The following CNTNAP2 variants were observed in gnomAD, a reference collection of about 807,000 sequenced individuals.
The protein encoded by CNTNAP2 is contactin associated protein 2.
CNTNAP2 carries 98 observed loss-of-function variants against 155.2 expected under a neutral mutation model. The ratio of observed to expected loss-of-function variants is 0.63; its 90% confidence interval spans 0.54 to 0.75. The LOEUF (loss-of-function observed/expected upper bound fraction) is 0.75. Among genes scored for constraint, CNTNAP2 ranks in the 30% least tolerant of loss-of-function variants. The pLI is 0.00. For synonymous variants in CNTNAP2, 651 were observed against 631.2 expected (o/e 1.03, Z -0.47); for missense variants, 1,727 against 1,688.1 (o/e 1.02, Z -0.40).
chr7:146,466,071 C>G (rs17170096), intron 1 of CNTNAP2, among the ~76,000 whole-genome samples: 30,715 of 151,982 alleles, frequency 0.2, 4,632 homozygotes, highest in African/African-American at 0.43. Flanking sequence ...CATAAAAGCT[C>G]GTTGGGTTCT....
rs10673467 is a variant in CNTNAP2 at position 146,550,401 on chromosome 7, G to GTTTTTTTTTTTTTTTTTTTTTT, written c.98-223863_98-223842dup. Among the ~76,000 whole-genome samples, 2 of 54,382 alleles carry GTTTTTTTTTTTTTTTTTTTTTT rather than the reference G, an allele frequency of 3.7e-5. 1 individual carries two copies. Among genetic ancestry groups the GTTTTTTTTTTTTTTTTTTTTTT allele is most frequent in the African/African-American group, 1.4e-4 (2 of 14,076 alleles). 35.7% of individuals were successfully genotyped at this position (54,382 alleles called of 152,430 possible). On this transcript the variant is annotated intron_variant, in intron 1 of 23. Transcript: ENST00000361727. ...TTATAGCAGTGAGGTCCATTAATCT[G>GTTTTTTTTTTTTTTTTTTTTTT]TTTTTTTTTTTTTTTTTTTTTTTTT...
intron 13 of CNTNAP2, among the ~76,000 whole-genome samples, chr7:147,661,939 C>T (rs1291062878): frequency 2.0e-5 from 3 of 152,144 alleles, no homozygotes; most frequent in African/African-American, 7.2e-5. Flanking sequence ...AGATTGCAGT[C>T]ATCAAAGCCA....
At chr7:146,237,403 G>A (rs1216620335) in intron 1 of CNTNAP2, among the ~76,000 whole-genome samples, 1 of 152,172 alleles carries the variant, frequency 6.6e-6, no homozygotes, top group East Asian at 1.9e-4. Flanking sequence ...CATTGAATGG[G>A]TAGCTTGAAA....
intron 12 of CNTNAP2, among the ~76,000 whole-genome samples, chr7:147,626,718 G>A (rs972782086): frequency 2.6e-5 from 4 of 152,110 alleles, no homozygotes; most frequent in Admixed American, 2.0e-4. Context: ...ACCAACTCAG[G>A]CCATTACAGC....
intron 21 of CNTNAP2, among the ~76,000 whole-genome samples, chr7:148,367,229 CA>C (rs200084869): frequency 2.9e-5 from 4 of 137,450 alleles, no homozygotes; most frequent in Admixed American, 7.2e-5. Flanking sequence ...GACTCTGTCT[CA>C]AAAAAAAAAT....
intron 8 of CNTNAP2, among the ~76,000 whole-genome samples, chr7:147,251,539 G>A (rs1804198061): frequency 6.6e-6 from 1 of 152,074 alleles, no homozygotes; most frequent in Admixed American, 6.6e-5. Flanking sequence ...CAAGTGAATG[G>A]GTAGCACTAA....
intron 4 of CNTNAP2, among the ~76,000 whole-genome samples, chr7:147,065,723 GTTA>G (rs1799766160): frequency 6.6e-6 from 1 of 152,018 alleles, no homozygotes; most frequent in Admixed American, 6.6e-5. Context: ...ACACAAACTG[GTTA>G]TTATACTGAA....
At chr7:146,160,849 T>G (rs1445251761) in intron 1 of CNTNAP2, among the ~76,000 whole-genome samples, 1 of 152,204 alleles carries the variant, frequency 6.6e-6, no homozygotes, top group African/African-American at 2.4e-5. Context: ...CTAATTCATT[T>G]TTTGAGGCCA....
At chr7:147,142,074 C>T (rs1462121020) in intron 8 of CNTNAP2, among the ~76,000 whole-genome samples, 1 of 152,048 alleles carries the variant, frequency 6.6e-6, no homozygotes, top group Non-Finnish European at 1.5e-5. Flanking sequence ...TTTCCTTCTC[C>T]TGCCTGATTG....
intron 3 of CNTNAP2, among the ~76,000 whole-genome samples, chr7:147,027,748 T>C (rs948308097): frequency 6.6e-6 from 1 of 152,078 alleles, no homozygotes; most frequent in Non-Finnish European, 1.5e-5. Context: ...GCCAGACTCG[T>C]GAAAAGCCGT....
Position 146,373,918 on chromosome 7 carries a change from T to A in CNTNAP2, c.97+256945T>A, listed in dbSNP as rs115238302. Among the ~76,000 whole-genome samples the A allele has an allele frequency of 9.4e-3, 1,431 of 152,318 alleles. 23 individuals are homozygous for A. The highest frequency in any genetic ancestry group is 0.032 in the African/African-American group (1,314 of 41,574). Reference sequence around the variant, plus strand: ...TGAAGAAAAATAGTTTTTAATCACATTCCTAAACAGGTTTGAGAATGTTTT... The same window carrying A: ...TGAAGAAAAATAGTTTTTAATCACAATCCTAAACAGGTTTGAGAATGTTTT... On this transcript the variant is annotated intron_variant, in intron 1 of 23. Coordinates refer to ENST00000361727, the MANE Select transcript of CNTNAP2 (RefSeq NM_014141.6).
intron 2 of CNTNAP2, among the ~76,000 whole-genome samples, chr7:146,812,640 A>G (rs1007234347): frequency 3.3e-5 from 5 of 152,050 alleles, no homozygotes; most frequent in African/African-American, 4.8e-5. Flanking sequence ...GTGTGATAGA[A>G]AAGAAAAACC....
chr7:146,352,833 C>T (rs534658472), intron 1 of CNTNAP2, among the ~76,000 whole-genome samples: 2 of 139,644 alleles, frequency 1.4e-5, no homozygotes, highest in Non-Finnish European at 3.0e-5. Flanking sequence ...CGGCTCACTG[C>T]AAGCTCCGCC....
rs762028229 is a variant in CNTNAP2 at position 148,420,728 on chromosome 7, A to T, written c.*5112A>T. On this transcript the variant is annotated 3_prime_UTR_variant, in exon 24 of 24. Coordinates refer to ENST00000361727, the MANE Select transcript of CNTNAP2 (RefSeq NM_014141.6). ...TAAGTTTTATTTTGTCAGGTTTTTT[A>T]AATTTTTTCAGTGAGCGTGGTGACT... 1 of 152,588 alleles carries T rather than the reference A, an allele frequency of 6.6e-6. No individual in the cohort carries two copies. The highest frequency in any genetic ancestry group is 2.4e-5 in the African/African-American group (1 of 41,452). The allele number at this position is 152,588 out of a possible 1,614,324, so 9.5% of individuals were successfully genotyped here. A position where few individuals can be genotyped will look rare whatever the true frequency, so the allele number is the denominator to read the frequency against.
In CNTNAP2 at chr7:147,847,951, C is replaced by A. The variant is rs1445673390; in HGVS notation, c.2099-55614C>A. On this transcript the variant is annotated intron_variant, in intron 13 of 23. Coordinates refer to ENST00000361727, the MANE Select transcript of CNTNAP2 (RefSeq NM_014141.6). ...GACCCACTTGAGGAGGCAGTCTGCCCGTTCTCAGATCGCCAGCTGCGTGCT... is the reference window on the plus strand; with the variant it reads ...GACCCACTTGAGGAGGCAGTCTGCCAGTTCTCAGATCGCCAGCTGCGTGCT... 2.3e-5 allele frequency among the ~76,000 whole-genome samples: 3 copies of A among 132,736 alleles called. No individual in the cohort carries two copies. The Admixed American group carries it at 2.5e-4, about 11-fold the overall frequency. 87.1% of individuals were successfully genotyped at this position (132,736 alleles called of 152,430 possible). A position where few individuals can be genotyped will look rare whatever the true frequency, so the allele number is the denominator to read the frequency against.
chr7:147,055,612 G>A (rs1157133002), intron 4 of CNTNAP2, among the ~76,000 whole-genome samples: 1 of 152,172 alleles, frequency 6.6e-6, no homozygotes, highest in Admixed American at 6.5e-5. Context: ...TGAGAGAAAG[G>A]CATCTCAAGT....
chr7:146,267,281 A>T (rs183305550), intron 1 of CNTNAP2, among the ~76,000 whole-genome samples: 185 of 152,238 alleles, frequency 1.2e-3, no homozygotes, highest in Non-Finnish European at 1.6e-3. Flanking sequence ...AAGCGCTGAA[A>T]CTTGCTCTAA....
At chr7:147,641,501 A>C (rs1301616744) in intron 13 of CNTNAP2, among the ~76,000 whole-genome samples, 1 of 150,906 alleles carries the variant, frequency 6.6e-6, no homozygotes, top group Admixed American at 6.8e-5. Context: ...TTTCTGATTC[A>C]GTAGGTCTCA....
At chr7:147,639,054 G>T in intron 12 of CNTNAP2, 52 bp from the exon 13 acceptor site, 1 of 1,551,052 alleles carries the variant, frequency 6.4e-7, no homozygotes, top group East Asian at 2.2e-5. Flanking sequence ...GACATTTGGA[G>T]AAGCATTTGC....
Sources: allele counts gnomAD v4.1 joint callset (sites outside exome capture counted in the v4.1 genomes callset), GRCh38; gene constraint gnomAD v4.1.1; transcripts MANE v1.5; gene names NCBI Gene and HGNC (gene_info 2026-07-23, HGNC 2026-07-21).